The following MACROD2 variants were observed in gnomAD, a reference collection of about 807,000 sequenced individuals.
MACROD2 encodes the protein mono-ADP ribosylhydrolase 2.
A neutral mutation model predicts 70.4 loss-of-function variants in MACROD2; 36 were observed. That is an observed-to-expected ratio of 0.51 (90% CI 0.39 to 0.68). The LOEUF (loss-of-function observed/expected upper bound fraction) is 0.68. Among genes scored for constraint, MACROD2 ranks in the 30% least tolerant of loss-of-function variants. The pLI is 0.00. For synonymous variants in MACROD2, 172 were observed against 178.8 expected, an observed-to-expected ratio of 0.96 and a Z score of 0.30; for missense variants, 496 against 538.4, an observed-to-expected ratio of 0.92 and a Z score of 0.78.
intron 5 of MACROD2, among the ~76,000 whole-genome samples, chr20:15,177,305 T>A (rs1451623449): frequency 1.3e-5 from 2 of 152,248 alleles, no homozygotes; most frequent in Admixed American, 1.3e-4. Flanking sequence ...AACACCAGAT[T>A]GTTCTAGAAG....
chr20:14,454,363 T>G (rs1049580216), intron 3 of MACROD2, among the ~76,000 whole-genome samples: 15 of 151,968 alleles, frequency 9.9e-5, no homozygotes, highest in African/African-American at 1.7e-4. Flanking sequence ...ATTTTTAACA[T>G]TCAATAGCTG....
At chr20:14,955,283 G>A (rs1188121753) in intron 5 of MACROD2, among the ~76,000 whole-genome samples, 2 of 126,712 alleles carry the variant, frequency 1.6e-5, no homozygotes, top group African/African-American at 6.0e-5. Context: ...ATTATATATA[G>A]TTTATATAAT....
At chr20:14,354,808 T>G (rs953513601) in intron 3 of MACROD2, among the ~76,000 whole-genome samples, 11 of 152,184 alleles carry the variant, frequency 7.2e-5, no homozygotes, top group Middle Eastern at 3.2e-3. Flanking sequence ...CCAGGTATTT[T>G]ATTTTGTTCA....
chr20:14,625,922 A>C (rs1198078313), intron 4 of MACROD2, among the ~76,000 whole-genome samples: 1 of 152,146 alleles, frequency 6.6e-6, no homozygotes, highest in East Asian at 1.9e-4. Flanking sequence ...TCTTGGGTTC[A>C]AGCGGTTCTC....
chr20:16,014,956 G>A (rs577849277), intron 15 of MACROD2, among the ~76,000 whole-genome samples: 1 of 152,242 alleles, frequency 6.6e-6, no homozygotes, highest in South Asian at 2.1e-4. Flanking sequence ...AGAAAGGAAG[G>A]CTATATCCTA....
chr20:15,238,431 A>G (rs540947668), intron 6 of MACROD2, among the ~76,000 whole-genome samples: 7 of 152,214 alleles, frequency 4.6e-5, no homozygotes, highest in Non-Finnish European at 1.0e-4. Context: ...AAATTACGGA[A>G]GAGTTGGCCA....
intron 5 of MACROD2, among the ~76,000 whole-genome samples, chr20:14,944,985 T>C (rs969636006): frequency 6.6e-6 from 1 of 152,204 alleles, no homozygotes; most frequent in African/African-American, 2.4e-5. Context: ...TTCAAGTGAC[T>C]TGGTTTTCCT....
chr20:14,698,492 C>G (rs1398482951), intron 5 of MACROD2, among the ~76,000 whole-genome samples: 1 of 152,102 alleles, frequency 6.6e-6, no homozygotes, highest in Non-Finnish European at 1.5e-5. Flanking sequence ...TAAGATCACC[C>G]CAACTATTTT....
At chr20:14,172,603 C>T (rs1281795913) in intron 3 of MACROD2, among the ~76,000 whole-genome samples, 1 of 152,170 alleles carries the variant, frequency 6.6e-6, no homozygotes, top group African/African-American at 2.4e-5. Flanking sequence ...CTGCACCCAG[C>T]CAGCATTCTG....
At chr20:15,922,109 G>A (rs1320698175) in intron 10 of MACROD2, among the ~76,000 whole-genome samples, 4 of 152,194 alleles carry the variant, frequency 2.6e-5, no homozygotes, top group African/African-American at 9.6e-5. Flanking sequence ...AAGAGAAGAA[G>A]CCTCTGGTGC....
At chr20:15,439,524 C>A (rs2046468301) in intron 7 of MACROD2, among the ~76,000 whole-genome samples, 1 of 152,208 alleles carries the variant, frequency 6.6e-6, no homozygotes, top group Admixed American at 6.5e-5. Context: ...AGGACCCTGG[C>A]AGCTCTCCTA....
chr20:16,004,021 G>A (rs2066752012), intron 15 of MACROD2, among the ~76,000 whole-genome samples: 1 of 152,076 alleles, frequency 6.6e-6, no homozygotes, highest in East Asian at 1.9e-4. Context: ...TGCTGGTCCA[G>A]GGACCACAGC....
At chr20:15,763,285 C>T (rs1464535214) in intron 8 of MACROD2, among the ~76,000 whole-genome samples, 1 of 152,100 alleles carries the variant, frequency 6.6e-6, no homozygotes, top group Non-Finnish European at 1.5e-5. Flanking sequence ...CAGAACCACC[C>T]GAGATGGTTT....
At chr20:15,517,783 C>T (rs1230978967) in intron 8 of MACROD2, among the ~76,000 whole-genome samples, 1 of 152,110 alleles carries the variant, frequency 6.6e-6, no homozygotes, top group Non-Finnish European at 1.5e-5. Context: ...TTTCCTGGCC[C>T]CTCAGCAGAA....
At chr20:15,672,994 C>A (rs372031906) in intron 8 of MACROD2, among the ~76,000 whole-genome samples, 5 of 152,186 alleles carry the variant, frequency 3.3e-5, no homozygotes, top group Admixed American at 2.6e-4. Context: ...GTAAGACATG[C>A]CTTTTACCTT....
At chr20:15,533,271 T>C (rs1002086653) in intron 8 of MACROD2, among the ~76,000 whole-genome samples, 8 of 152,160 alleles carry the variant, frequency 5.3e-5, no homozygotes, top group Non-Finnish European at 1.2e-4. Flanking sequence ...GGAAGAACAA[T>C]TTTGGTGGTC....
At chr20:14,744,288 C>T (rs751851639) in intron 5 of MACROD2, among the ~76,000 whole-genome samples, 9 of 152,050 alleles carry the variant, frequency 5.9e-5, no homozygotes, top group Admixed American at 2.6e-4. Context: ...ATCATAGAAG[C>T]TATGTTTTCA....
intron 5 of MACROD2, among the ~76,000 whole-genome samples, chr20:15,137,937 T>G (rs1174436462): frequency 2.0e-5 from 3 of 152,164 alleles, no homozygotes; most frequent in Admixed American, 2.0e-4. Flanking sequence ...AGTGTTCCAG[T>G]TATCTAATCC....
intron 3 of MACROD2, among the ~76,000 whole-genome samples, chr20:14,350,126 C>T (rs1393407985): frequency 6.6e-6 from 1 of 152,102 alleles, no homozygotes; most frequent in Non-Finnish European, 1.5e-5. Flanking sequence ...ATCCATTTAT[C>T]TGCTGATGAA....
Sources: allele counts gnomAD v4.1 joint callset (sites outside exome capture counted in the v4.1 genomes callset), GRCh38; gene constraint gnomAD v4.1.1; transcripts MANE v1.5; gene names NCBI Gene and HGNC (gene_info 2026-07-23, HGNC 2026-07-21).